HEATR5B: variants seen among roughly 807,000 people sequenced by gnomAD.
HEATR5B encodes HEAT repeat containing 5B.
A neutral mutation model predicts 224.1 loss-of-function variants in HEATR5B; 156 were observed. The ratio of observed to expected loss-of-function variants is 0.70; its 90% CI spans 0.61 to 0.80. HEATR5B has a LOEUF of 0.80. Among genes scored for constraint, HEATR5B ranks in the 30% least tolerant of loss-of-function variants. The probability of loss-of-function intolerance (pLI) is 0.00; values close to 1 mark genes in which losing one functional copy is unlikely to be tolerated. For missense variants in HEATR5B, 2,323 were observed against 2,535.5 expected, an observed-to-expected ratio of 0.92 and a Z score of 1.80; for synonymous variants, 1,027 against 893.0, an observed-to-expected ratio of 1.15 and a Z score of -2.68.
intron 8 of HEATR5B, among the ~76,000 whole-genome samples, chr2:37,067,631 TGTG>T (rs1671665002): frequency 6.6e-6 from 1 of 152,022 alleles, no homozygotes; most frequent in African/African-American, 2.4e-5. Context: ...TAGCAGGGTG[TGTG>T]GTGGCACACG....
At chr2:37,053,659 T>C (rs1670701338) in intron 16 of HEATR5B, 52 bp from the exon 17 acceptor site, 1 of 1,113,838 alleles carries the variant, frequency 9.0e-7, no homozygotes, top group African/African-American at 1.6e-5. Flanking sequence ...TATTCCAATA[T>C]GGCTCAAAAA....
chr2:37,010,610 T>A (rs1667726897), intron 27 of HEATR5B, among the ~76,000 whole-genome samples: 1 of 151,396 alleles, frequency 6.6e-6, no homozygotes, highest in African/African-American at 2.4e-5. Flanking sequence ...ACCTCCCGGG[T>A]TCAAGTGATT....
chr2:37,058,455 A>AT lies in HEATR5B; in HGVS notation c.2054dup (p.Tyr685Ter), dbSNP rs1671050997. The AT allele has an allele frequency of 1.3e-6, 2 of 1,592,322 alleles. No homozygotes were observed. Among genetic ancestry groups the AT allele is most frequent in the African/African-American group, 1.3e-5 (1 of 74,408 alleles). Residue 685 changes from tyrosine to a stop codon, truncating the protein, a stop_gained and frameshift_variant, in exon 14 of 36, where the codon TAT (tyrosine) becomes TAAT (stop). Transcript: ENST00000233099. LOFTEE classifies it high-confidence loss of function. Reference protein sequence around the residue: ...DILALLPPKTYEGSFNALLRE... With the variant: ...DILALLPPKT ...TACCACAAATTTTTAATTTACCTTC[A>AT]TAAGTTTTTGGAGGTAACAAAGCCA... is the stretch of plus-strand genomic sequence containing the variant.
At chr2:36,985,258 T>A (rs957262937) in intron 35 of HEATR5B, among the ~76,000 whole-genome samples, 5 of 152,178 alleles carry the variant, frequency 3.3e-5, no homozygotes, top group Non-Finnish European at 7.3e-5. Context: ...TCCTAATGAG[T>A]GTCATCTTAT....
intron 30 of HEATR5B, 129 bp from the exon 31 acceptor site, chr2:37,003,815 C>A: frequency 3.8e-6 from 2 of 529,094 alleles, no homozygotes; most frequent in South Asian, 4.1e-5. Context: ...TATAGGACTA[C>A]GTAACAAATA....
intron 5 of HEATR5B, among the ~76,000 whole-genome samples, chr2:37,074,653 T>C (rs1428931378): frequency 6.6e-6 from 1 of 152,150 alleles, no homozygotes; most frequent in Non-Finnish European, 1.5e-5. Context: ...AAATCACATA[T>C]CTGATAAAGG....
At chr2:37,038,907 T>TGGGGG (rs758997585) in intron 20 of HEATR5B, among the ~76,000 whole-genome samples, 2 of 66,346 alleles carry the variant, frequency 3.0e-5, no homozygotes, top group Non-Finnish European at 3.1e-5. Flanking sequence ...CTCCCTGGGG[T>TGGGGG]GGGGGGGGTG....
chr2:37,022,934 G>A (rs1668552239), intron 24 of HEATR5B, among the ~76,000 whole-genome samples: 2 of 152,002 alleles, frequency 1.3e-5, no homozygotes, highest in South Asian at 4.2e-4. Context: ...AGAATGCAAA[G>A]AAGTAGGGAA....
intron 6 of HEATR5B, 78 bp from the exon 7 acceptor site, chr2:37,070,465 T>C: frequency 8.8e-7 from 1 of 1,130,334 alleles, no homozygotes; most frequent in South Asian, 1.6e-5. Context: ...TAATTATTTT[T>C]AAGGACACTT....
chr2:37,076,708 G>C (rs926752345), intron 4 of HEATR5B, among the ~76,000 whole-genome samples: 1 of 146,362 alleles, frequency 6.8e-6, no homozygotes, highest in African/African-American at 2.5e-5. Flanking sequence ...AAAATAACAA[G>C]TAAACCTATT....
intron 21 of HEATR5B, among the ~76,000 whole-genome samples, chr2:37,034,200 G>A (rs1558759731): frequency 6.6e-6 from 1 of 151,124 alleles, no homozygotes; most frequent in East Asian, 2.0e-4. Context: ...TAGAGATGGG[G>A]TTTCACCGTG....
chr2:37,007,366 CCA>C, intron 28 of HEATR5B, 62 bp from the exon 29 acceptor site: 1 of 1,360,036 alleles, frequency 7.4e-7, no homozygotes, highest in Non-Finnish European at 9.5e-7. Context: ...TTTTTTGAGA[CCA>C]AGTCTCGTTC....
At chr2:37,081,570 C>A (rs17498825) in intron 2 of HEATR5B, among the ~76,000 whole-genome samples, 38,764 of 151,992 alleles carry the variant, frequency 0.26, 5,790 homozygotes, top group Middle Eastern at 0.39. Flanking sequence ...GCCCTAGGTG[C>A]TTTTGGAGGT....
intron 33 of HEATR5B, among the ~76,000 whole-genome samples, chr2:36,998,385 G>A (rs539847563): frequency 5.9e-5 from 9 of 152,152 alleles, no homozygotes; most frequent in Non-Finnish European, 8.8e-5. Flanking sequence ...AAATTAAAAA[G>A]TCTAACAATA....
chr2:37,011,218 G>A (rs1204748867), intron 27 of HEATR5B, among the ~76,000 whole-genome samples: 3 of 152,142 alleles, frequency 2.0e-5, no homozygotes, highest in Non-Finnish European at 4.4e-5. Flanking sequence ...CCGTTTTTAA[G>A]GACAAAAGTT....
At chr2:37,042,089 A>C (rs1188676267) in intron 18 of HEATR5B, among the ~76,000 whole-genome samples, 1 of 152,148 alleles carries the variant, frequency 6.6e-6, no homozygotes, top group Non-Finnish European at 1.5e-5. Flanking sequence ...AAAAGAGATG[A>C]ACATTACTTT....
Position 36,990,763 on chromosome 2 carries a change from A to G in HEATR5B, c.5582T>C (p.Leu1861Pro). ...CCACAGGAAGAGTGCAATTGCTGTT[A>G]GCATGCTTACTTCATCAGGTGTAGG... ...SVPTPDEVSM[L>P]TAIALFLWSA... is the part of the protein sequence containing the mutation. The change falls in exon 34 of 36, where the codon CTA (leucine) becomes CCA (proline). Residue 1861 changes from leucine to proline, a missense_variant. By Grantham distance (98) the Leu-to-Pro change is moderately conservative. Around this residue, in one of 12 missense-constraint regions of HEATR5B, gnomAD observed 844 missense variants for 812.9 expected, o/e 1.04. Transcript: ENST00000233099. 6.2e-7 allele frequency: 1 copy of G among 1,603,034 alleles called. No homozygotes were observed. The highest frequency in any genetic ancestry group is 8.5e-7 in the Non-Finnish European group (1 of 1,170,958).
At chr2:37,040,580 A>G (rs1669809921) in intron 19 of HEATR5B, 62 bp from the exon 20 acceptor site, 2 of 1,271,638 alleles carry the variant, frequency 1.6e-6, no homozygotes, top group Admixed American at 4.6e-5. Flanking sequence ...TGAATTGAGT[A>G]TACTGAATTG....
chr2:36,983,657 G>A (rs148523871), intron 35 of HEATR5B, among the ~76,000 whole-genome samples: 278 of 152,152 alleles, frequency 1.8e-3, no homozygotes, highest in Non-Finnish European at 3.2e-3. Context: ...GAACCTGGGA[G>A]GCAGAGGTCT....
Sources: gnomAD v4.1 joint callset for allele counts (sites outside exome capture counted in the v4.1 genomes callset) on GRCh38, gnomAD v4.1.1 for gene constraint, gnomAD v4.1.1 regional missense constraint, MANE v1.5 for transcripts, NCBI Gene and HGNC (gene_info 2026-07-23, HGNC 2026-07-21) for gene names.